The following MARK2 variants were observed in gnomAD, a reference collection of about 807,000 sequenced individuals.
The protein encoded by MARK2 is microtubule affinity regulating kinase 2, also known as serine/threonine-protein kinase MARK2.
A neutral mutation model predicts 89.8 loss-of-function variants in MARK2; 16 were observed. That is an observed-to-expected ratio of 0.18 (90% CI 0.12 to 0.27). The LOEUF (loss-of-function observed/expected upper bound fraction) is 0.27, where lower values mean the gene tolerates loss of function less well. Ranked by LOEUF, MARK2 falls within the 10% of genes least tolerant of loss-of-function variation. The pLI, the probability that MARK2 is intolerant of heterozygous loss-of-function variation, is 1.00. For synonymous variants in MARK2, 382 were observed against 399.5 expected (o/e 0.96, Z 0.52); for missense variants, 621 against 1,049.9 (o/e 0.59, Z 5.65).
intron 1 of MARK2, chr11:63,888,631 C>G: frequency 8.6e-7 from 1 of 1,156,206 alleles, no homozygotes; most frequent in Non-Finnish European, 1.1e-6. Flanking sequence ...TTCCTGACCA[C>G]CAGGCTCTGG....
intron 1 of MARK2, among the ~76,000 whole-genome samples, chr11:63,867,525 G>A (rs905817649): frequency 3.3e-5 from 5 of 152,190 alleles, no homozygotes; most frequent in Non-Finnish European, 7.4e-5. Context: ...TCTTCTGTTG[G>A]TGTTGTAAGG....
At chr11:63,856,615 T>C (rs796346541) in intron 1 of MARK2, among the ~76,000 whole-genome samples, 1 of 150,882 alleles carries the variant, frequency 6.6e-6, no homozygotes, top group Non-Finnish European at 1.5e-5. Context: ...GTAGAGACAG[T>C]GTTTCGCCAT....
chr11:63,880,639 G>C (rs967846890), intron 1 of MARK2, among the ~76,000 whole-genome samples: 7 of 152,198 alleles, frequency 4.6e-5, no homozygotes, highest in Admixed American at 3.9e-4. Context: ...AGGACCTGGT[G>C]GTTGTCATGG....
At chr11:63,882,390 C>T (rs922434264) in intron 1 of MARK2, among the ~76,000 whole-genome samples, 1 of 151,928 alleles carries the variant, frequency 6.6e-6, no homozygotes, top group South Asian at 2.1e-4. Context: ...TCGAGACTAG[C>T]CTGACCAACG....
At chr11:63,873,796 C>T (rs1002931217) in intron 1 of MARK2, among the ~76,000 whole-genome samples, 1 of 152,208 alleles carries the variant, frequency 6.6e-6, no homozygotes, top group Non-Finnish European at 1.5e-5. Flanking sequence ...CAGGCATGCG[C>T]CACCACGCCC....
rs1287640341 is a variant in MARK2, at chr11:63,903,501, CAA to C, written c.1514+344_1514+345del. The stretch of plus-strand genomic sequence containing the variant: ...TGGGGGTCCCAGCTCAGGGCAGAAC[CAA>C]GAGATGCCCACCTTGAGGGGTGTAC... On this transcript the variant is annotated intron_variant, in intron 14 of 18. Transcript: ENST00000402010. The surrounding 1 kb of genome is among the most constrained non-coding windows in gnomAD (Gnocchi z 5.1). 1 of 363,390 alleles carries C rather than the reference CAA, an allele frequency of 2.8e-6. No homozygotes were observed. The highest frequency in any genetic ancestry group is 2.1e-5 in the African/African-American group (1 of 48,088). 22.5% of individuals were successfully genotyped at this position (363,390 alleles called of 1,614,324 possible). A position where few individuals can be genotyped will look rare whatever the true frequency, so the allele number is the denominator to read the frequency against.
chr11:63,872,354 A>G (rs928919866), intron 1 of MARK2, among the ~76,000 whole-genome samples: 13 of 152,112 alleles, frequency 8.5e-5, no homozygotes, highest in Admixed American at 7.9e-4. Flanking sequence ...ACCTTAACTT[A>G]CAGGGTTGTA....
At chr11:63,860,448 A>T (rs553930990) in intron 1 of MARK2, among the ~76,000 whole-genome samples, 1 of 151,364 alleles carries the variant, frequency 6.6e-6, no homozygotes, top group African/African-American at 2.4e-5. Flanking sequence ...GCTACTTGGG[A>T]GGCTAAGGCA....
chr11:63,848,108 A>G (rs1172017518), intron 1 of MARK2, among the ~76,000 whole-genome samples: 1 of 152,172 alleles, frequency 6.6e-6, no homozygotes, highest in Non-Finnish European at 1.5e-5. Context: ...CTGCAATAGC[A>G]CTAGGAAGTC....
rs917843756 is a variant in MARK2, at chr11:63,900,458, T to C, written c.769-101T>C. On this transcript the variant is annotated intron_variant, in intron 8 of 18. Coordinates refer to ENST00000402010, the MANE Select transcript of MARK2 (RefSeq NM_001039469.3). The surrounding 1 kb of genome is among the most constrained non-coding windows in gnomAD (Gnocchi z 4.7). The stretch of plus-strand genomic sequence containing the variant: ...TCTGCCTTCTTCCATATTTCATTTA[T>C]GTCTGCTTTGCCAGGCTTAAGCTCT... 8.0e-6 allele frequency: 11 copies of C among 1,378,146 alleles called. No homozygotes were observed. Among genetic ancestry groups the C allele is most frequent in the Non-Finnish European group, 1.1e-5 (11 of 998,416 alleles). 85.4% of individuals were successfully genotyped at this position (1,378,146 alleles called of 1,614,324 possible).
chr11:63,887,722 G>A (rs1202706905), intron 1 of MARK2, among the ~76,000 whole-genome samples: 1 of 109,496 alleles, frequency 9.1e-6, no homozygotes, highest in Admixed American at 1.2e-4. Flanking sequence ...GGGGTCGTTG[G>A]TCTAGAAGGG....
chr11:63,879,963 G>A (rs1938992688), intron 1 of MARK2, among the ~76,000 whole-genome samples: 1 of 152,156 alleles, frequency 6.6e-6, no homozygotes, highest in Non-Finnish European at 1.5e-5. Context: ...CTTTCCAGCA[G>A]CAATGCTGGG....
At chr11:63,886,672 C>A (rs960017008) in intron 1 of MARK2, among the ~76,000 whole-genome samples, 1 of 152,214 alleles carries the variant, frequency 6.6e-6, no homozygotes, top group African/African-American at 2.4e-5. Context: ...GATCCACCAG[C>A]CTCGGCCTCT....
chr11:63,872,322 C>T (rs535519011), intron 1 of MARK2, among the ~76,000 whole-genome samples: 1 of 152,298 alleles, frequency 6.6e-6, no homozygotes, highest in Admixed American at 6.5e-5. Context: ...TCCCTCTTCC[C>T]TCACAAGTGC....
rs1941054124 is a variant in MARK2, at chr11:63,903,310, C to T, written c.1514+152C>T. 1.5e-6 allele frequency: 1 copy of T among 647,556 alleles called. No homozygotes were observed. The highest frequency in any genetic ancestry group is 1.8e-5 in the African/African-American group (1 of 55,316). The allele number at this position is 647,556 out of a possible 1,614,324, so 40.1% of individuals were successfully genotyped here. A position where few individuals can be genotyped will look rare whatever the true frequency, so the allele number is the denominator to read the frequency against. On this transcript the variant is annotated intron_variant, in intron 14 of 18. Transcript: ENST00000402010. The surrounding 1 kb of genome is among the most constrained non-coding windows in gnomAD (Gnocchi z 5.1). ...GCTGTGTCCAGTCCAGCTTTCCCCT[C>T]CCCTATTCCACGCCATTGCCTCCTC...
intron 1 of MARK2, among the ~76,000 whole-genome samples, chr11:63,859,082 T>G (rs893839754): frequency 6.7e-6 from 1 of 148,882 alleles, no homozygotes; most frequent in Non-Finnish European, 1.5e-5. Flanking sequence ...TGTTTTTTTG[T>G]TTTTTTTTTA....
intron 1 of MARK2, among the ~76,000 whole-genome samples, chr11:63,878,885 A>G (rs1683840454): frequency 6.6e-6 from 1 of 152,210 alleles, no homozygotes; most frequent in African/African-American, 2.4e-5. Context: ...CTGAGAACAC[A>G]GCTACCATTT....
At position 63,839,434 on chromosome 11, in the gene MARK2, G is replaced by T. The variant is rs992930391; in HGVS notation, c.-73G>T. 5 of 938,560 alleles carry T rather than the reference G, an allele frequency of 5.3e-6. No homozygotes were observed. The highest frequency in any genetic ancestry group is 8.2e-6 in the Non-Finnish European group (5 of 610,846). The allele number at this position is 938,560 out of a possible 1,614,324, so 58.1% of individuals were successfully genotyped here. ...GCTCCTGCTGTGAGAAGCCCCGCCCGGCCGGGCTCCGCGCCTTCCCTTCCC... is the reference window on the plus strand; with the variant it reads ...GCTCCTGCTGTGAGAAGCCCCGCCCTGCCGGGCTCCGCGCCTTCCCTTCCC... On this transcript the variant is annotated 5_prime_UTR_variant, in exon 1 of 19. Coordinates refer to ENST00000402010, the MANE Select transcript of MARK2 (RefSeq NM_001039469.3).
At chr11:63,862,185 A>G (rs963586571) in intron 1 of MARK2, among the ~76,000 whole-genome samples, 1 of 151,876 alleles carries the variant, frequency 6.6e-6, no homozygotes, top group Non-Finnish European at 1.5e-5. Flanking sequence ...TCAGCTTCCC[A>G]AAGTGCTGGG....
Sources: gnomAD v4.1 joint callset for allele counts (sites outside exome capture counted in the v4.1 genomes callset) on GRCh38, gnomAD v4.1.1 for gene constraint, Gnocchi (gnomAD v3.1) non-coding constraint, MANE v1.5 for transcripts, NCBI Gene and HGNC (gene_info 2026-07-23, HGNC 2026-07-21) for gene names.